Variants in OR1F1 observed in about 807,000 individuals in gnomAD.
The protein encoded by OR1F1 is olfactory receptor 1F1.
For synonymous variants in OR1F1, 184 were observed against 156.7 expected (o/e 1.17, Z -1.30); for missense variants, 493 against 376.3 (o/e 1.31, Z -2.57).
At chr16:3,191,021 G>A in the OR1F1 span, among the ~76,000 whole-genome samples, 544 of 152,234 alleles carry the variant, frequency 3.6e-3, 2 homozygotes, top group African/African-American at 0.012. Flanking sequence ...CTACATGCAC[G>A]TCACAGTAGG....
chr16:3,188,907 AGG>A, the OR1F1 span, among the ~76,000 whole-genome samples: 1 of 152,148 alleles, frequency 6.6e-6, no homozygotes, highest in Non-Finnish European at 1.5e-5. Flanking sequence ...GTGAAGGGCA[AGG>A]GGGCGCATCG....
chr16:3,198,270 A>G, the OR1F1 span, among the ~76,000 whole-genome samples: 1 of 152,122 alleles, frequency 6.6e-6, no homozygotes, highest in Admixed American at 6.5e-5. Context: ...AGCAGAGCTG[A>G]TGGTGTGGTT....
upstream of OR1F1, among the ~76,000 whole-genome samples, chr16:3,203,703 G>T (rs1958164655): frequency 6.6e-6 from 1 of 152,226 alleles, no homozygotes; most frequent in African/African-American, 2.4e-5. Context: ...GCTGAAGGTT[G>T]CAGCGAGCCA....
chr16:3,189,649 G>T, the OR1F1 span: 1 of 151,942 alleles, frequency 6.6e-6, no homozygotes, highest in Non-Finnish European at 1.5e-5. Flanking sequence ...GTTGGTCTAG[G>T]GGTATGATTC....
chr16:3,192,028 G>C, the OR1F1 span, among the ~76,000 whole-genome samples: 3 of 152,226 alleles, frequency 2.0e-5, no homozygotes, highest in East Asian at 5.8e-4. Flanking sequence ...CTTAGGATGC[G>C]AGAGGTCCCG....
downstream of OR1F1, among the ~76,000 whole-genome samples, chr16:3,206,231 G>C (rs183532226): frequency 2.0e-3 from 309 of 152,248 alleles, 2 homozygotes; most frequent in East Asian, 2.5e-3. Flanking sequence ...ACCCCACCCT[G>C]GTGAATTTAA....
downstream of OR1F1, among the ~76,000 whole-genome samples, chr16:3,206,277 C>G (rs1958208283): frequency 6.6e-6 from 1 of 152,152 alleles, no homozygotes; most frequent in Admixed American, 6.5e-5. Context: ...ACCCTGTTTT[C>G]TGTTGTTTAA....
exon 1 of OR1F1, chr16:3,204,618 C>G (rs533281144): frequency 6.2e-7 from 1 of 1,614,122 alleles, no homozygotes. Flanking sequence ...ACCACTTTGT[C>G]GCCGTGTGCC....
At chr16:3,193,666 C>T in the OR1F1 span, among the ~76,000 whole-genome samples, 3 of 152,146 alleles carry the variant, frequency 2.0e-5, no homozygotes, top group Admixed American at 2.0e-4. Flanking sequence ...GGCGCCATCT[C>T]GGCTCCCTGC....
chr16:3,192,191 G>C, the OR1F1 span, among the ~76,000 whole-genome samples: 3 of 152,156 alleles, frequency 2.0e-5, no homozygotes, highest in Admixed American at 6.6e-5. Context: ...TGAGTAGCTG[G>C]GACTACAGGT....
chr16:3,196,941 A>C, the OR1F1 span, among the ~76,000 whole-genome samples: 1 of 151,872 alleles, frequency 6.6e-6, no homozygotes, highest in Non-Finnish European at 1.5e-5. Flanking sequence ...CAGTGGTGCA[A>C]TCTCAGCTTC....
At chr16:3,189,757 C>A in the OR1F1 span, 2 of 151,950 alleles carry the variant, frequency 1.3e-5, no homozygotes, top group Admixed American at 1.3e-4. Flanking sequence ...AGATTCGGCT[C>A]GACTTACAGA....
the OR1F1 span, among the ~76,000 whole-genome samples, chr16:3,192,369 C>T: frequency 6.6e-6 from 1 of 152,226 alleles, no homozygotes; most frequent in African/African-American, 2.4e-5. Flanking sequence ...CATGCACTTT[C>T]AAGGGCTCAA....
exon 1 of OR1F1, chr16:3,204,502 A>T (rs376639452): frequency 3.7e-6 from 6 of 1,613,966 alleles, no homozygotes; most frequent in Middle Eastern, 1.6e-4. Context: ...GGCCAATCAC[A>T]TACTCGAGAC....
chr16:3,194,715 G>T, the OR1F1 span, among the ~76,000 whole-genome samples: 1 of 152,248 alleles, frequency 6.6e-6, no homozygotes, highest in Admixed American at 6.5e-5. Context: ...AGAAAACAGA[G>T]GTCTCTTTTG....
Position 3,204,478 on chromosome 16 carries a change from G to A in OR1F1, c.232G>A (p.Val78Ile), listed in dbSNP as rs771490781. 32 of 1,613,842 alleles carry A rather than the reference G, an allele frequency of 2.0e-5. No homozygotes were observed. The highest frequency in any genetic ancestry group is 1.1e-4 in the East Asian group (5 of 44,894). Residue 78 changes from valine to isoleucine, a missense_variant, in exon 1 of 1, where the codon GTC (valine) becomes ATC (isoleucine). Val to Ile is a conservative substitution (Grantham distance 29). Coordinates refer to ENST00000304646, the Ensembl canonical transcript of OR1F1. The stretch of plus-strand genomic sequence containing the variant: ...GGACATCTGCTTCTCCTTCACCACC[G>A]TCCCCAAGATGCTGGCCAATCACAT...
the OR1F1 span, chr16:3,189,770 T>C: frequency 3.3e-5 from 5 of 152,048 alleles, no homozygotes; most frequent in African/African-American, 1.2e-4. Context: ...CTTACAGACC[T>C]CAGCGCAGGA....
chr16:3,190,093 C>G, the OR1F1 span, among the ~76,000 whole-genome samples: 1 of 152,184 alleles, frequency 6.6e-6, no homozygotes, highest in East Asian at 1.9e-4. Context: ...CACCCACTAT[C>G]CCCGGTTCTA....
At chr16:3,189,200 C>A in the OR1F1 span, among the ~76,000 whole-genome samples, 1 of 152,192 alleles carries the variant, frequency 6.6e-6, no homozygotes, top group African/African-American at 2.4e-5. Context: ...CTCCGTCAGG[C>A]CTTTATTGAA....
Sources: allele counts gnomAD v4.1 joint callset (sites outside exome capture counted in the v4.1 genomes callset), GRCh38; gene constraint gnomAD v4.1.1; transcripts MANE v1.5; gene names NCBI Gene and HGNC (gene_info 2026-07-23, HGNC 2026-07-21).